CNTN5: variants seen among roughly 807,000 people sequenced by gnomAD.
CNTN5 encodes contactin-5.
CNTN5 carries 77 observed loss-of-function variants against 129.1 expected under a neutral mutation model. That is an observed-to-expected ratio of 0.60 (90% CI 0.50 to 0.72). The LOEUF is 0.72. CNTN5 is among the 30% of genes least tolerant of loss of function. The pLI is 0.00. For synonymous variants in CNTN5, 509 were observed against 465.6 expected (o/e 1.09, Z -1.20); for missense variants, 1,478 against 1,328.8 (o/e 1.11, Z -1.75).
chr11:99,635,001 A>C (rs1951500060), intron 3 of CNTN5, among the ~76,000 whole-genome samples: 1 of 152,212 alleles, frequency 6.6e-6, no homozygotes, highest in Non-Finnish European at 1.5e-5. Context: ...ATATATACTA[A>C]TATCTGTATA....
chr11:100,023,407 C>G (rs936629651), intron 9 of CNTN5, among the ~76,000 whole-genome samples: 1 of 152,088 alleles, frequency 6.6e-6, no homozygotes, highest in African/African-American at 2.4e-5. Flanking sequence ...GCAGACATTT[C>G]CTATATCCTG....
intron 3 of CNTN5, among the ~76,000 whole-genome samples, chr11:99,715,209 A>G (rs1955168525): frequency 6.6e-6 from 1 of 152,006 alleles, no homozygotes; most frequent in Non-Finnish European, 1.5e-5. Context: ...AGAGAGTGAA[A>G]TAGAATAACT....
At chr11:99,971,003 A>T (rs10082676) in intron 8 of CNTN5, among the ~76,000 whole-genome samples, 3 of 151,946 alleles carry the variant, frequency 2.0e-5, no homozygotes, top group African/African-American at 7.3e-5. Context: ...AGATCATGAA[A>T]TTAGTTACTT....
intron 2 of CNTN5, among the ~76,000 whole-genome samples, chr11:99,371,990 A>G (rs1939854758): frequency 6.6e-6 from 1 of 152,226 alleles, no homozygotes; most frequent in Non-Finnish European, 1.5e-5. Context: ...ATGAGACCCT[A>G]CAGAATTATT....
At chr11:99,074,849 C>T (rs1051119320) in intron 1 of CNTN5, among the ~76,000 whole-genome samples, 6 of 152,124 alleles carry the variant, frequency 3.9e-5, no homozygotes, top group South Asian at 2.1e-4. Flanking sequence ...ACATGCATCA[C>T]GGCACAATGT....
chr11:99,186,603 T>C (rs1201656222), intron 1 of CNTN5, among the ~76,000 whole-genome samples: 1 of 152,016 alleles, frequency 6.6e-6, no homozygotes, highest in Non-Finnish European at 1.5e-5. Flanking sequence ...ATGTGACTTT[T>C]TCTACTATGA....
At chr11:99,069,749 A>G (rs1865260561) in intron 1 of CNTN5, among the ~76,000 whole-genome samples, 1 of 152,194 alleles carries the variant, frequency 6.6e-6, no homozygotes, top group South Asian at 2.1e-4. Context: ...TTGCTTTTAC[A>G]TACCGGGTCT....
chr11:100,061,535 C>A (rs1184664881), intron 10 of CNTN5, 142 bp downstream of exon 10: 1 of 602,300 alleles, frequency 1.7e-6, no homozygotes, highest in African/African-American at 1.8e-5. Flanking sequence ...TATGGTAAGG[C>A]ATCATGTCAA....
At chr11:100,272,203 C>T (rs187708948) in intron 18 of CNTN5, among the ~76,000 whole-genome samples, 105 of 152,110 alleles carry the variant, frequency 6.9e-4, no homozygotes, top group African/African-American at 1.8e-3. Flanking sequence ...TGTTCACTGC[C>T]CTATACTGAA....
At chr11:99,185,655 A>T (rs1054966635) in intron 1 of CNTN5, among the ~76,000 whole-genome samples, 1 of 151,824 alleles carries the variant, frequency 6.6e-6, no homozygotes. Context: ...ACTAAATCTG[A>T]ACTAAAAAGT....
intron 1 of CNTN5, among the ~76,000 whole-genome samples, chr11:99,200,012 G>C (rs551673306): frequency 2.0e-5 from 3 of 152,140 alleles, no homozygotes; most frequent in South Asian, 4.2e-4. Flanking sequence ...AGATAATATA[G>C]GTCTTTGTTC....
intron 1 of CNTN5, among the ~76,000 whole-genome samples, chr11:99,220,475 T>C (rs1218764897): frequency 2.0e-5 from 3 of 151,934 alleles, no homozygotes; most frequent in Admixed American, 6.6e-5. Flanking sequence ...CATGGTCTCT[T>C]AAATGCATGA....
At chr11:99,340,669 C>T (rs539460036) in intron 2 of CNTN5, among the ~76,000 whole-genome samples, 1 of 152,162 alleles carries the variant, frequency 6.6e-6, no homozygotes, top group African/African-American at 2.4e-5. Context: ...GTCTGAGTGC[C>T]TTTGAGATCA....
At chr11:99,250,093 C>T (rs1382365329) in intron 1 of CNTN5, among the ~76,000 whole-genome samples, 4 of 151,890 alleles carry the variant, frequency 2.6e-5, no homozygotes, top group Non-Finnish European at 5.9e-5. Flanking sequence ...TCTCAATAGG[C>T]ATCAAATCAC....
chr11:99,697,694 A>C (rs1485948155), intron 3 of CNTN5, among the ~76,000 whole-genome samples: 1 of 151,738 alleles, frequency 6.6e-6, no homozygotes, highest in Non-Finnish European at 1.5e-5. Flanking sequence ...TTAATCTATC[A>C]ATATAGATTC....
intron 1 of CNTN5, among the ~76,000 whole-genome samples, chr11:99,219,664 A>T (rs1012003220): frequency 1.8e-3 from 45 of 25,280 alleles, no homozygotes; most frequent in Admixed American, 0.016. Flanking sequence ...GAGTAAGATT[A>T]AAAAAAAAAA....
At chr11:99,352,935 C>T (rs1382212040) in intron 2 of CNTN5, among the ~76,000 whole-genome samples, 1 of 152,140 alleles carries the variant, frequency 6.6e-6, no homozygotes, top group East Asian at 1.9e-4. Context: ...GGCTGTCTGC[C>T]TCACTGACCA....
intron 3 of CNTN5, among the ~76,000 whole-genome samples, chr11:99,650,242 A>G (rs2135876859): frequency 6.6e-6 from 1 of 152,030 alleles, no homozygotes; most frequent in South Asian, 2.1e-4. Context: ...TATAACTATC[A>G]AGTAGGCTAC....
At chr11:99,168,525 A>G (rs1860992191) in intron 1 of CNTN5, among the ~76,000 whole-genome samples, 1 of 152,166 alleles carries the variant, frequency 6.6e-6, no homozygotes, top group South Asian at 2.1e-4. Context: ...GGTTGCAGTA[A>G]GCTGAGACCA....
Sources: allele counts gnomAD v4.1 joint callset (sites outside exome capture counted in the v4.1 genomes callset), GRCh38; gene constraint gnomAD v4.1.1; transcripts MANE v1.5; gene names NCBI Gene and HGNC (gene_info 2026-07-23, HGNC 2026-07-21).